ZYG11B: variants seen among roughly 807,000 people sequenced by gnomAD.
The protein encoded by ZYG11B is zyg-11 family member B, cell cycle regulator.
In ZYG11B, 36 loss-of-function variants were observed where a neutral mutation model predicts 82.4. The observed-to-expected ratio is 0.44, with a 90% CI of 0.33 to 0.58. The LOEUF (loss-of-function observed/expected upper bound fraction) is 0.58, where lower values mean the gene tolerates loss of function less well. Ranked by LOEUF, ZYG11B falls within the 20% of genes least tolerant of loss-of-function variation. The pLI, the probability that ZYG11B is intolerant of heterozygous loss-of-function variation, is 0.02. For synonymous variants in ZYG11B, 303 were observed against 312.8 expected, an observed-to-expected ratio of 0.97 and a Z score of 0.33; for missense variants, 552 against 895.6, an observed-to-expected ratio of 0.62 and a Z score of 4.90.
chr1:52,749,521 T>G (rs889561514), intron 1 of ZYG11B, among the ~76,000 whole-genome samples: 1 of 152,220 alleles, frequency 6.6e-6, no homozygotes. Flanking sequence ...GAAACTAAAC[T>G]TGCTGGGGAA....
At chr1:52,765,334 C>T (rs1254892365) in intron 2 of ZYG11B, among the ~76,000 whole-genome samples, 1 of 151,952 alleles carries the variant, frequency 6.6e-6, no homozygotes, top group African/African-American at 2.4e-5. Context: ...TCCTAAGTAG[C>T]TGAGATCACA....
chr1:52,825,619 C>CAGAA lies in ZYG11B; in HGVS notation c.*3990_*3991insAGAA, dbSNP rs1645318212. On this transcript the variant is annotated 3_prime_UTR_variant, in exon 14 of 14. Coordinates refer to ENST00000294353, the MANE Select transcript of ZYG11B (RefSeq NM_024646.3). ...TACAGGTGGGACCTTTTGTGTTAAT[C>CAGAA]TGTTTTCTCCCCAGTCATCTTATTT... 2 of 143,022 alleles carry CAGAA rather than the reference C, an allele frequency of 1.4e-5. No individual in the cohort carries two copies. Among genetic ancestry groups the CAGAA allele is most frequent in the Non-Finnish European group, 3.0e-5 (2 of 66,500 alleles). The allele number at this position is 143,022 out of a possible 1,614,324, so 8.9% of individuals were successfully genotyped here. A position where few individuals can be genotyped will look rare whatever the true frequency, so the allele number is the denominator to read the frequency against.
chr1:52,776,232 AT>A (rs1644807947), intron 3 of ZYG11B, among the ~76,000 whole-genome samples: 2 of 96,054 alleles, frequency 2.1e-5, no homozygotes, highest in Non-Finnish European at 4.5e-5. Flanking sequence ...AAAAAAAAAT[AT>A]ATATATATAT....
intron 13 of ZYG11B, among the ~76,000 whole-genome samples, chr1:52,817,787 A>G (rs1047245371): frequency 0.017 from 502 of 28,870 alleles, 23 homozygotes; most frequent in East Asian, 0.045. Flanking sequence ...GTATATATAT[A>G]TATATATATA....
intron 8 of ZYG11B, among the ~76,000 whole-genome samples, chr1:52,797,445 T>TATCATATATGATA (rs1645033946): frequency 5.5e-5 from 6 of 108,404 alleles, no homozygotes; most frequent in Non-Finnish European, 1.0e-4. Flanking sequence ...AACATATATA[T>TATCATATATGATA]TATATATCAT....
At chr1:52,797,398 T>C (rs1645031328) in intron 8 of ZYG11B, among the ~76,000 whole-genome samples, 1 of 102,570 alleles carries the variant, frequency 9.7e-6, no homozygotes, top group Non-Finnish European at 1.7e-5. Flanking sequence ...ATATATCATA[T>C]ATGAAATATA....
chr1:52,805,885 TA>T (rs552618239), intron 10 of ZYG11B, among the ~76,000 whole-genome samples: 77 of 151,802 alleles, frequency 5.1e-4, no homozygotes, highest in African/African-American at 1.3e-3. Flanking sequence ...AAAACCTATA[TA>T]TTTTTTTAAA....
chr1:52,778,174 T>C (rs2149943362), intron 3 of ZYG11B, among the ~76,000 whole-genome samples: 1 of 152,364 alleles, frequency 6.6e-6, no homozygotes, highest in South Asian at 2.1e-4. Flanking sequence ...TTTGATGTCT[T>C]TTGAGTATCT....
At chr1:52,809,084 C>A (rs138804719) in intron 10 of ZYG11B, among the ~76,000 whole-genome samples, 4 of 152,144 alleles carry the variant, frequency 2.6e-5, no homozygotes, top group African/African-American at 9.6e-5. Flanking sequence ...GATTATTCTC[C>A]TCATTATGAA....
At chr1:52,819,607 G>A (rs569143285) in intron 13 of ZYG11B, among the ~76,000 whole-genome samples, 1 of 151,984 alleles carries the variant, frequency 6.6e-6, no homozygotes, top group East Asian at 2.0e-4. Context: ...CTAACATGGT[G>A]AAACCCCATC....
intron 2 of ZYG11B, among the ~76,000 whole-genome samples, chr1:52,759,089 G>A (rs536694079): frequency 6.6e-6 from 1 of 151,942 alleles, no homozygotes; most frequent in Non-Finnish European, 1.5e-5. Flanking sequence ...CCACCAACAC[G>A]CCCAGCTAAT....
At chr1:52,775,264 T>A (rs1644794485) in intron 3 of ZYG11B, among the ~76,000 whole-genome samples, 1 of 152,166 alleles carries the variant, frequency 6.6e-6, no homozygotes, top group Non-Finnish European at 1.5e-5. Flanking sequence ...ACTCCTATAT[T>A]GAACTGCAGT....
intron 1 of ZYG11B, among the ~76,000 whole-genome samples, chr1:52,742,949 C>G (rs192398837): frequency 0.12 from 18,559 of 151,294 alleles, 2,568 homozygotes; most frequent in East Asian, 0.35. Flanking sequence ...GGGCAGCCCC[C>G]GCCCGGCCAG....
chr1:52,770,419 G>C (rs1483982591), intron 2 of ZYG11B, among the ~76,000 whole-genome samples: 2 of 152,060 alleles, frequency 1.3e-5, no homozygotes, highest in East Asian at 3.8e-4. Flanking sequence ...AATATGTTAA[G>C]GTGAATTTAA....
At chr1:52,727,458 A>T (rs1644295780) in intron 1 of ZYG11B, among the ~76,000 whole-genome samples, 1 of 152,172 alleles carries the variant, frequency 6.6e-6, no homozygotes, top group Admixed American at 6.6e-5. Flanking sequence ...ACCTCAGGAG[A>T]GATCTAGTCT....
At chr1:52,783,882 A>ATGTATATACACGTGTGTGTG (rs74208826) in intron 4 of ZYG11B, among the ~76,000 whole-genome samples, 2 of 126,010 alleles carry the variant, frequency 1.6e-5, no homozygotes, top group Non-Finnish European at 1.6e-5. Context: ...ACGTGTGTGT[A>ATGTATATACACGTGTGTGTG]TATGTACATA....
intron 2 of ZYG11B, among the ~76,000 whole-genome samples, chr1:52,762,984 G>C (rs892455063): frequency 1.4e-5 from 2 of 140,562 alleles, no homozygotes; most frequent in South Asian, 2.6e-4. Context: ...ATTGGGGGGG[G>C]GGGGTCTAGT....
At chr1:52,776,199 A>G (rs1217925013) in intron 3 of ZYG11B, among the ~76,000 whole-genome samples, 1 of 106,230 alleles carries the variant, frequency 9.4e-6, no homozygotes, top group African/African-American at 2.8e-5. Context: ...TGCCTGAACA[A>G]CAAGAGCAAA....
intron 2 of ZYG11B, among the ~76,000 whole-genome samples, chr1:52,768,013 C>T (rs1644712846): frequency 6.6e-6 from 1 of 152,166 alleles, no homozygotes; most frequent in African/African-American, 2.4e-5. Flanking sequence ...TCTAACACCT[C>T]CCCTGTGGGC....
Sources: gnomAD v4.1 joint callset for allele counts (sites outside exome capture counted in the v4.1 genomes callset) on GRCh38, gnomAD v4.1.1 for gene constraint, MANE v1.5 for transcripts, NCBI Gene and HGNC (gene_info 2026-07-23, HGNC 2026-07-21) for gene names.